GSG1L: variants seen among roughly 807,000 people sequenced by gnomAD.
GSG1L encodes the protein germ cell-specific gene 1-like protein.
In GSG1L, 24 loss-of-function variants were observed where a neutral mutation model predicts 42.1. The observed-to-expected ratio is 0.57, with a 90% CI of 0.41 to 0.80. GSG1L has a LOEUF of 0.80. GSG1L is among the 30% of genes least tolerant of loss of function. The pLI, the probability that GSG1L is intolerant of heterozygous loss-of-function variation, is 0.00. For missense variants in GSG1L, 445 were observed against 472.2 expected (o/e 0.94, Z 0.53); for synonymous variants, 215 against 203.5 (o/e 1.06, Z -0.48).
rs577277545 is a variant in GSG1L, at chr16:28,054,988, C to T, written c.349+8088G>A. Among the ~76,000 whole-genome samples the T allele has an allele frequency of 3.0e-4, 46 of 152,218 alleles. No homozygotes were observed. The South Asian group carries it at 9.5e-3, about 32-fold the overall frequency. On this transcript the variant is annotated intron_variant, in intron 1 of 6. Coordinates refer to ENST00000447459, the MANE Select transcript of GSG1L (RefSeq NM_001109763.2). ...AGCGGTTGCCCAGCCCCCGCAGGCC[C>T]CCTACTCCTTCCTCACGTCACTCTC...
intron 1 of GSG1L, among the ~76,000 whole-genome samples, chr16:28,037,400 A>G (rs1255309561): frequency 7.2e-5 from 11 of 152,208 alleles, no homozygotes; most frequent in Admixed American, 6.5e-4. Context: ...ACACAGCCTC[A>G]GTTTCCTCGT....
At chr16:27,799,320 G>A (rs1377680283) in intron 6 of GSG1L, among the ~76,000 whole-genome samples, 1 of 151,566 alleles carries the variant, frequency 6.6e-6, no homozygotes, top group Non-Finnish European at 1.5e-5. Flanking sequence ...TATTACTTGA[G>A]GCCAGGAGTT....
At chr16:27,927,021 G>A (rs969324647) in intron 2 of GSG1L, among the ~76,000 whole-genome samples, 10 of 152,202 alleles carry the variant, frequency 6.6e-5, no homozygotes, top group African/African-American at 1.7e-4. Flanking sequence ...GGCCTCCCTC[G>A]ACAACCCTCC....
At chr16:27,853,667 T>G (rs1037510659) in intron 3 of GSG1L, among the ~76,000 whole-genome samples, 17 of 152,306 alleles carry the variant, frequency 1.1e-4, no homozygotes, top group Admixed American at 1.1e-3. Context: ...TTCTGCCTTT[T>G]AAAGTGAAGT....
chr16:28,063,660 G>C lies in GSG1L; in HGVS notation c.-236C>G, dbSNP rs974252645. Among the ~76,000 whole-genome samples the C allele has an allele frequency of 1.4e-5, 2 of 147,910 alleles. No individual in the cohort carries two copies. The highest frequency in any genetic ancestry group is 4.9e-5 in the African/African-American group (2 of 40,902). On this transcript the variant is annotated 5_prime_UTR_variant, in exon 1 of 7. Transcript: ENST00000447459. This position sits in a 1 kb window ranked among gnomAD's most constrained non-coding sequence, Gnocchi z 5.8. Reference sequence around the variant, plus strand: ...CGGGCGGCGGTGGAGGAGCGGCTACGGCGCGCCCGGAGCCCGGAGCGCGAG... The same window carrying C: ...CGGGCGGCGGTGGAGGAGCGGCTACCGCGCGCCCGGAGCCCGGAGCGCGAG...
intron 1 of GSG1L, among the ~76,000 whole-genome samples, chr16:27,982,644 T>TG (rs1567544202): frequency 6.6e-6 from 1 of 152,220 alleles, no homozygotes; most frequent in Non-Finnish European, 1.5e-5. Context: ...ATTTGGCTCG[T>TG]GGCTCTGCAG....
intron 4 of GSG1L, among the ~76,000 whole-genome samples, chr16:27,836,654 G>A (rs1433193387): frequency 1.3e-5 from 2 of 152,032 alleles, no homozygotes; most frequent in African/African-American, 4.8e-5. Flanking sequence ...CAACCATTGA[G>A]CTTTCTATTT....
chr16:28,056,173 G>A (rs563756019), intron 1 of GSG1L, among the ~76,000 whole-genome samples: 9 of 152,040 alleles, frequency 5.9e-5, no homozygotes, highest in Non-Finnish European at 1.0e-4. Flanking sequence ...ATGCACAGGC[G>A]TGTTTATTGC....
chr16:27,906,592 T>G (rs2141047480), intron 2 of GSG1L, among the ~76,000 whole-genome samples: 1 of 152,220 alleles, frequency 6.6e-6, no homozygotes, highest in East Asian at 1.9e-4. Flanking sequence ...CCCTGAAATG[T>G]TCTTTCCTCT....
intron 1 of GSG1L, among the ~76,000 whole-genome samples, chr16:27,964,684 T>C (rs2085109907): frequency 6.6e-6 from 1 of 152,164 alleles, no homozygotes; most frequent in Non-Finnish European, 1.5e-5. Flanking sequence ...AAGACAAACT[T>C]TGCATGTTCT....
At chr16:27,999,015 C>T (rs1417963815) in intron 1 of GSG1L, among the ~76,000 whole-genome samples, 31 of 152,126 alleles carry the variant, frequency 2.0e-4, no homozygotes, top group Admixed American at 2.0e-3. Flanking sequence ...TGTCACTTGG[C>T]ATTTGAATTA....
intron 5 of GSG1L, among the ~76,000 whole-genome samples, chr16:27,820,210 T>C (rs1236695592): frequency 1.3e-5 from 2 of 152,154 alleles, no homozygotes; most frequent in African/African-American, 4.8e-5. Flanking sequence ...CAACTGCATA[T>C]GGCATCGGGT....
intron 2 of GSG1L, among the ~76,000 whole-genome samples, chr16:27,891,898 T>G (rs1168037113): frequency 7.1e-6 from 1 of 141,640 alleles, no homozygotes; most frequent in African/African-American, 2.5e-5. Context: ...TTTTTTTTTT[T>G]TTTTTTTTTT....
intron 1 of GSG1L, among the ~76,000 whole-genome samples, chr16:28,051,179 T>C (rs1210093977): frequency 1.3e-5 from 2 of 152,138 alleles, no homozygotes; most frequent in African/African-American, 2.4e-5. Context: ...GAAATTTGGC[T>C]TTTGGTTGGA....
chr16:27,958,986 A>C (rs932380356), intron 2 of GSG1L, among the ~76,000 whole-genome samples: 8 of 152,088 alleles, frequency 5.3e-5, no homozygotes, highest in Admixed American at 2.6e-4. Flanking sequence ...CGGTTGTTAA[A>C]ATTTCTATAA....
intron 2 of GSG1L, among the ~76,000 whole-genome samples, chr16:27,894,451 C>G (rs1466834048): frequency 6.6e-6 from 1 of 152,184 alleles, no homozygotes; most frequent in Admixed American, 6.5e-5. Flanking sequence ...ACACAGTGGC[C>G]TTTCAAGAGA....
chr16:28,011,326 G>A (rs1010099921), intron 1 of GSG1L, among the ~76,000 whole-genome samples: 2 of 152,222 alleles, frequency 1.3e-5, no homozygotes, highest in African/African-American at 2.4e-5. Context: ...CCTCCGCCCT[G>A]GGTTGGGGGC....
At chr16:27,957,005 G>C (rs1230418466) in intron 2 of GSG1L, among the ~76,000 whole-genome samples, 1 of 152,226 alleles carries the variant, frequency 6.6e-6, no homozygotes, top group African/African-American at 2.4e-5. Context: ...AACCCTTGAG[G>C]AGGAAGACAG....
At chr16:28,056,865 C>T (rs951576970) in intron 1 of GSG1L, among the ~76,000 whole-genome samples, 1 of 152,070 alleles carries the variant, frequency 6.6e-6, no homozygotes, top group Non-Finnish European at 1.5e-5. Context: ...GCAGTGGGGA[C>T]ATCAGGGGTG....
Sources: allele counts gnomAD v4.1 joint callset (sites outside exome capture counted in the v4.1 genomes callset), GRCh38; gene constraint gnomAD v4.1.1; non-coding constraint Gnocchi (gnomAD v3.1); transcripts MANE v1.5; gene names NCBI Gene and HGNC (gene_info 2026-07-23, HGNC 2026-07-21).